The following NLGN1 variants were observed in gnomAD, a reference collection of about 807,000 sequenced individuals.
NLGN1 encodes the protein neuroligin 1.
In NLGN1, 12 loss-of-function variants were observed where a neutral mutation model predicts 65.5. The ratio of observed to expected loss-of-function variants is 0.18; its 90% CI spans 0.12 to 0.30. The LOEUF (loss-of-function observed/expected upper bound fraction) is 0.30, where lower values mean the gene tolerates loss of function less well. NLGN1 is among the 10% of genes least tolerant of loss of function. The pLI is 1.00. For synonymous variants in NLGN1, 350 were observed against 359.5 expected (o/e 0.97, Z 0.30); for missense variants, 750 against 1,007.1 (o/e 0.74, Z 3.46).
intron 3 of NLGN1, among the ~76,000 whole-genome samples, chr3:173,715,553 A>G (rs1462461824): frequency 2.0e-5 from 3 of 152,152 alleles, no homozygotes; most frequent in Admixed American, 6.6e-5. Context: ...AGCTATTTCT[A>G]TGTATCAGGA....
At chr3:173,853,269 T>C (rs1037241734) in intron 4 of NLGN1, among the ~76,000 whole-genome samples, 3 of 152,220 alleles carry the variant, frequency 2.0e-5, no homozygotes, top group African/African-American at 7.2e-5. Context: ...AACATACTTT[T>C]ATTTTTCATG....
At chr3:173,585,078 T>A (rs1747128478) in intron 2 of NLGN1, 1 of 152,268 alleles carries the variant, frequency 6.6e-6, no homozygotes, top group Non-Finnish European at 1.5e-5. Flanking sequence ...GCCAGGGTTT[T>A]GTGCCACTGC....
At chr3:173,789,239 G>A (rs1370902058) in intron 3 of NLGN1, among the ~76,000 whole-genome samples, 1 of 151,142 alleles carries the variant, frequency 6.6e-6, no homozygotes, top group African/African-American at 2.4e-5. Flanking sequence ...AAAGAAGGAA[G>A]GAAGGAAGGA....
intron 4 of NLGN1, among the ~76,000 whole-genome samples, chr3:174,229,772 G>A (rs1310282734): frequency 2.6e-5 from 4 of 152,146 alleles, no homozygotes; most frequent in Admixed American, 2.0e-4. Flanking sequence ...ACTATGTGAT[G>A]TTGCTTTTGA....
chr3:173,679,316 A>G (rs1038051416), intron 3 of NLGN1, among the ~76,000 whole-genome samples: 1 of 152,062 alleles, frequency 6.6e-6, no homozygotes, highest in Admixed American at 6.6e-5. Context: ...TCAAGAAATT[A>G]GAGGTTCCAG....
At chr3:173,942,230 A>T (rs570758568) in intron 4 of NLGN1, among the ~76,000 whole-genome samples, 5 of 152,024 alleles carry the variant, frequency 3.3e-5, no homozygotes, top group Admixed American at 3.3e-4. Context: ...CACTGCCTAT[A>T]TTCTGGGCAT....
intron 2 of NLGN1, among the ~76,000 whole-genome samples, chr3:173,539,875 CTT>C (rs200508814): frequency 0.022 from 2,519 of 112,858 alleles, 27 homozygotes; most frequent in Middle Eastern, 0.039. Flanking sequence ...TTATATATAT[CTT>C]ATATATATGT....
chr3:174,106,014 C>T (rs1174294308), intron 4 of NLGN1, among the ~76,000 whole-genome samples: 1 of 152,108 alleles, frequency 6.6e-6, no homozygotes, highest in African/African-American at 2.4e-5. Context: ...CTATATTTTA[C>T]TTGACCCGGT....
intron 3 of NLGN1, among the ~76,000 whole-genome samples, chr3:173,743,267 C>A (rs1215706539): frequency 6.6e-6 from 1 of 152,100 alleles, no homozygotes; most frequent in Non-Finnish European, 1.5e-5. Context: ...TAAAATCATG[C>A]AAGCATCTAA....
intron 4 of NLGN1, among the ~76,000 whole-genome samples, chr3:173,839,637 G>T (rs1053288343): frequency 6.6e-6 from 1 of 152,012 alleles, no homozygotes; most frequent in Non-Finnish European, 1.5e-5. Context: ...TGGCCAGGAT[G>T]GTCTCAATCT....
rs71162383 is a variant in NLGN1, at chr3:174,255,435, C to CAAAAAAAAAAAAAAAA, written c.647-19874_647-19859dup. On this transcript the variant is annotated intron_variant, in intron 4 of 6. Transcript: ENST00000457714. ...TAGGCGATAGAGCAAGACTCTGTCT[C>CAAAAAAAAAAAAAAAA]AAAAAAAAAAAAAAAAAAAAAGCGC... Among the ~76,000 whole-genome samples, 65 of 70,232 alleles carry CAAAAAAAAAAAAAAAA rather than the reference C, an allele frequency of 9.3e-4. 7 individuals carry two copies. Among genetic ancestry groups the CAAAAAAAAAAAAAAAA allele is most frequent in the African/African-American group, 4.7e-3 (61 of 12,948 alleles). 46.1% of individuals were successfully genotyped at this position (70,232 alleles called of 152,430 possible).
chr3:173,530,912 A>G (rs181323225), intron 2 of NLGN1, among the ~76,000 whole-genome samples: 170 of 152,110 alleles, frequency 1.1e-3, no homozygotes, highest in African/African-American at 3.6e-3. Flanking sequence ...TGAGTTTTTA[A>G]AAGTATTTTG....
At chr3:174,235,916 A>T (rs199734712) in intron 4 of NLGN1, among the ~76,000 whole-genome samples, 16,900 of 152,016 alleles carry the variant, frequency 0.11, 1,656 homozygotes, top group African/African-American at 0.26. Flanking sequence ...TATTATCTCT[A>T]TAGCATAGTC....
intron 3 of NLGN1, among the ~76,000 whole-genome samples, chr3:173,738,413 A>G (rs1774113279): frequency 6.6e-6 from 1 of 151,950 alleles, no homozygotes; most frequent in Non-Finnish European, 1.5e-5. Context: ...TTTGGAGTTA[A>G]TTTTGTGCAT....
intron 2 of NLGN1, among the ~76,000 whole-genome samples, chr3:173,498,305 T>C (rs967970370): frequency 6.6e-6 from 1 of 151,336 alleles, no homozygotes; most frequent in Non-Finnish European, 1.5e-5. Flanking sequence ...ACATGCGGTG[T>C]TGGGTTTTTT....
At chr3:174,006,740 G>A (rs1331340186) in intron 4 of NLGN1, among the ~76,000 whole-genome samples, 2 of 152,130 alleles carry the variant, frequency 1.3e-5, no homozygotes, top group Non-Finnish European at 2.9e-5. Context: ...CTGTTAGGGT[G>A]TGCCCTAATC....
chr3:173,424,925 T>G (rs1715822038), intron 1 of NLGN1, among the ~76,000 whole-genome samples: 1 of 152,160 alleles, frequency 6.6e-6, no homozygotes, highest in Non-Finnish European at 1.5e-5. Context: ...ATACCAATTC[T>G]CTGTATTAGT....
chr3:173,586,457 C>T (rs538652190), intron 2 of NLGN1, among the ~76,000 whole-genome samples: 60 of 152,216 alleles, frequency 3.9e-4, no homozygotes, highest in African/African-American at 1.4e-3. Context: ...ATTAGTCTAA[C>T]CAAACTTTCT....
chr3:174,167,588 G>T, intron 4 of NLGN1, among the ~76,000 whole-genome samples: 1 of 130,606 alleles, frequency 7.7e-6, no homozygotes. Flanking sequence ...TATGTGATCT[G>T]CCCCCTTTTT....
Sources: allele counts gnomAD v4.1 joint callset (sites outside exome capture counted in the v4.1 genomes callset), GRCh38; gene constraint gnomAD v4.1.1; transcripts MANE v1.5; gene names NCBI Gene and HGNC (gene_info 2026-07-23, HGNC 2026-07-21).